The following TXNRD1 variants were observed in gnomAD, a reference collection of about 807,000 sequenced individuals.
The protein encoded by TXNRD1 is thioredoxin reductase 1, cytoplasmic.
A neutral mutation model predicts 80.3 loss-of-function variants in TXNRD1; 57 were observed. The observed-to-expected ratio is 0.71, with a 90% CI of 0.57 to 0.89. The LOEUF is 0.89. Ranked by LOEUF, TXNRD1 falls within the 40% of genes least tolerant of loss-of-function variation. The pLI is 0.00. For synonymous variants in TXNRD1, 291 were observed against 285.2 expected (o/e 1.02, Z -0.20); for missense variants, 730 against 803.0 (o/e 0.91, Z 1.10).
chr12:104,221,054 C>T (rs1365722461), intron 1 of TXNRD1, among the ~76,000 whole-genome samples: 3 of 152,114 alleles, frequency 2.0e-5, no homozygotes, highest in Non-Finnish European at 4.4e-5. Context: ...GATTGCTTGA[C>T]ACCAGGAGTT....
intron 3 of TXNRD1, chr12:104,287,030 T>G: frequency 7.2e-7 from 1 of 1,379,716 alleles, no homozygotes; most frequent in Non-Finnish European, 9.4e-7. Flanking sequence ...TCAGTTTTCT[T>G]CACTCCGGCA....
chr12:104,280,062 CAAAA>C (rs34627940), intron 3 of TXNRD1, among the ~76,000 whole-genome samples: 1 of 84,616 alleles, frequency 1.2e-5, no homozygotes, highest in African/African-American at 4.7e-5. Context: ...GACTCTGTCT[CAAAA>C]AAAAAAAAAA....
At chr12:104,323,079 G>A in intron 10 of TXNRD1, among the ~76,000 whole-genome samples, 1 of 118,098 alleles carries the variant, frequency 8.5e-6, no homozygotes, top group South Asian at 3.4e-4. Context: ...ATTTAACCCT[G>A]AGTGGACACA....
At chr12:104,259,405 G>A (rs993568745) in intron 3 of TXNRD1, among the ~76,000 whole-genome samples, 1 of 150,388 alleles carries the variant, frequency 6.6e-6, no homozygotes, top group Non-Finnish European at 1.5e-5. Context: ...AACAACAACA[G>A]CAACAACAAA....
intron 4 of TXNRD1, among the ~76,000 whole-genome samples, chr12:104,296,974 T>G (rs1020000426): frequency 1.3e-5 from 2 of 152,204 alleles, no homozygotes; most frequent in African/African-American, 4.8e-5. Context: ...TTGTAATCTC[T>G]AACGCAAGTC....
intron 16 of TXNRD1, chr12:104,345,992 A>G (rs2036477887): frequency 1.6e-6 from 2 of 1,288,500 alleles, no homozygotes; most frequent in South Asian, 1.2e-5. Context: ...TTGTGTACGA[A>G]TGAAATCTGT....
intron 2 of TXNRD1, among the ~76,000 whole-genome samples, chr12:104,254,815 A>G (rs2033215762): frequency 6.6e-6 from 1 of 151,372 alleles, no homozygotes; most frequent in Admixed American, 6.6e-5. Flanking sequence ...TGTCTCTAAA[A>G]TAAATACATA....
At position 104,321,664 on chromosome 12, in the gene TXNRD1, A is replaced by G. The variant is rs141910763; in HGVS notation, c.1215+348A>G. ...GAGATTTAAATAAGAGTTCAACACT[A>G]GGCCCCACCTGCACTCCCTGGCTCC... On this transcript the variant is annotated intron_variant, in intron 10 of 16. Transcript: ENST00000525566. Among the ~76,000 whole-genome samples the G allele has an allele frequency of 5.6e-4, 85 of 152,318 alleles. 2 individuals are homozygous for G. The highest frequency in any genetic ancestry group is 1.9e-3 in the African/African-American group (80 of 41,570).
At chr12:104,333,430 C>T (rs528218688) in intron 14 of TXNRD1, among the ~76,000 whole-genome samples, 2 of 151,928 alleles carry the variant, frequency 1.3e-5, no homozygotes, top group African/African-American at 2.4e-5. Flanking sequence ...AGAGCTGTAA[C>T]AGCAATTGTT....
chr12:104,324,030 A>G (rs951050066), intron 10 of TXNRD1, among the ~76,000 whole-genome samples: 1 of 152,182 alleles, frequency 6.6e-6, no homozygotes, highest in African/African-American at 2.4e-5. Context: ...TTTTGGACAG[A>G]GAATGTAGTA....
At position 104,348,680 on chromosome 12, in the gene TXNRD1, C is replaced by G. The variant is rs981658200; in HGVS notation, c.*259C>G. ...GGGATGCATCCATGAAGTCACCAGT[C>G]TCAAGCCCATGTGGTAGGCGGTGAT... On this transcript the variant is annotated 3_prime_UTR_variant, in exon 17 of 17. Coordinates refer to ENST00000525566, the MANE Select transcript of TXNRD1 (RefSeq NM_001093771.3). 1 of 470,858 alleles carries G rather than the reference C, an allele frequency of 2.1e-6. No homozygotes were observed. The highest frequency in any genetic ancestry group is 2.0e-5 in the African/African-American group (1 of 51,014). The allele number at this position is 470,858 out of a possible 1,614,324, so 29.2% of individuals were successfully genotyped here.
At chr12:104,245,423 A>G (rs1400898466) in intron 1 of TXNRD1, among the ~76,000 whole-genome samples, 2 of 149,100 alleles carry the variant, frequency 1.3e-5, no homozygotes, top group Non-Finnish European at 3.0e-5. Context: ...AGGCTGAGGC[A>G]GGAGAATCAC....
At chr12:104,252,300 C>T (rs77513551) in intron 2 of TXNRD1, among the ~76,000 whole-genome samples, 4,860 of 151,964 alleles carry the variant, frequency 0.032, 210 homozygotes, top group African/African-American at 0.093. Flanking sequence ...GGAATGGTTA[C>T]TTAGGGTACT....
At chr12:104,286,779 G>T in intron 3 of TXNRD1, 1 of 1,020,604 alleles carries the variant, frequency 9.8e-7, no homozygotes, top group Non-Finnish European at 1.2e-6. Flanking sequence ...TTCCAAATTT[G>T]GTTCCAGAAT....
intron 2 of TXNRD1, among the ~76,000 whole-genome samples, chr12:104,254,644 A>AAAAAAAAAAAATATATATATATAT: frequency 5.3e-5 from 5 of 93,632 alleles, no homozygotes; most frequent in African/African-American, 2.6e-4. Context: ...AAAAAAAAAA[A>AAAAAAAAAAAATATATATATATAT]ATATATATAT....
At chr12:104,276,328 G>T (rs1033077881) in intron 3 of TXNRD1, among the ~76,000 whole-genome samples, 15 of 152,190 alleles carry the variant, frequency 9.9e-5, no homozygotes, top group African/African-American at 3.6e-4. Context: ...ATAGAGAGCT[G>T]CTGGGAAGAG....
At chr12:104,331,164 T>C (rs1466914154) in intron 13 of TXNRD1, among the ~76,000 whole-genome samples, 1 of 152,180 alleles carries the variant, frequency 6.6e-6, no homozygotes, top group Non-Finnish European at 1.5e-5. Context: ...AAGAAATCTT[T>C]TAATTTTTTA....
At chr12:104,295,104 A>C (rs1346198282) in intron 4 of TXNRD1, among the ~76,000 whole-genome samples, 1 of 152,192 alleles carries the variant, frequency 6.6e-6, no homozygotes, top group Non-Finnish European at 1.5e-5. Context: ...GAGGACTACC[A>C]AGATTTATTA....
intron 10 of TXNRD1, among the ~76,000 whole-genome samples, chr12:104,322,244 G>A (rs2035558409): frequency 6.6e-6 from 1 of 151,934 alleles, no homozygotes; most frequent in Non-Finnish European, 1.5e-5. Flanking sequence ...CACTTATAAA[G>A]TAATTAGAAA....
Sources: gnomAD v4.1 joint callset for allele counts (sites outside exome capture counted in the v4.1 genomes callset) on GRCh38, gnomAD v4.1.1 for gene constraint, MANE v1.5 for transcripts, NCBI Gene and HGNC (gene_info 2026-07-23, HGNC 2026-07-21) for gene names.